Variants in PARD3B observed in about 807,000 individuals in gnomAD.
PARD3B encodes the protein partitioning defective 3 homolog B.
Under a neutral mutation model 130.2 loss-of-function variants are expected in PARD3B, and 103 were observed. That is an observed-to-expected ratio of 0.79 (90% confidence interval 0.67 to 0.93). The LOEUF (loss-of-function observed/expected upper bound fraction) is 0.93. PARD3B is among the 40% of genes least tolerant of loss of function. The pLI is 0.00. For synonymous variants in PARD3B, 583 were observed against 553.2 expected (o/e 1.05, Z -0.76); for missense variants, 1,609 against 1,499.2 (o/e 1.07, Z -1.21).
intron 2 of PARD3B, among the ~76,000 whole-genome samples, chr2:204,854,962 C>A (rs987443125): frequency 2.0e-5 from 3 of 151,930 alleles, no homozygotes; most frequent in African/African-American, 7.2e-5. Flanking sequence ...GACCAGTGGG[C>A]GGTGGATGCG....
At chr2:205,389,641 G>T (rs1406779026) in intron 18 of PARD3B, among the ~76,000 whole-genome samples, 5 of 152,198 alleles carry the variant, frequency 3.3e-5, no homozygotes, top group Non-Finnish European at 5.9e-5. Flanking sequence ...ACTGCGCCCG[G>T]CCTGTTATTT....
chr2:205,261,271 AT>A (rs2040299081), intron 16 of PARD3B, among the ~76,000 whole-genome samples: 1 of 152,050 alleles, frequency 6.6e-6, no homozygotes, highest in Non-Finnish European at 1.5e-5. Context: ...ATGAATGAAT[AT>A]TCTTTGTAAA....
intron 21 of PARD3B, among the ~76,000 whole-genome samples, chr2:205,526,411 C>T (rs2051339364): frequency 6.6e-6 from 1 of 152,160 alleles, no homozygotes; most frequent in African/African-American, 2.4e-5. Flanking sequence ...AGAGTACTTG[C>T]CTTTGTGGCC....
intron 1 of PARD3B, among the ~76,000 whole-genome samples, chr2:204,679,895 C>A (rs932756016): frequency 6.6e-6 from 1 of 151,526 alleles, no homozygotes; most frequent in Non-Finnish European, 1.5e-5. Context: ...TAATAATTTC[C>A]ACTTGGTTAT....
In PARD3B at chr2:205,176,463, G is replaced by C. The variant is rs1037351059; in HGVS notation, c.1810G>C (p.Ala604Pro). Reference sequence around the variant, plus strand: ...CTCTTAGGATCCTGCAGAGTGTGGGGCATTTTCCAAGCCATGCTTTGAGAA... The same window carrying C: ...CTCTTAGGATCCTGCAGAGTGTGGGCCATTTTCCAAGCCATGCTTTGAGAA... Reference protein sequence around the residue: ...RPMEDPAECGAFSKPCFENCQ... With the variant: ...RPMEDPAECGPFSKPCFENCQ... The change falls in exon 13 of 23, where the codon GCA becomes CCA. Residue 604 changes from alanine to proline, a missense_variant. Ala to Pro is a conservative substitution (Grantham distance 27). Transcript: ENST00000406610. The surrounding 1 kb of genome is among the most constrained non-coding windows in gnomAD (Gnocchi z 5.3). 2.5e-6 allele frequency: 4 copies of C among 1,609,978 alleles called. No individual in the cohort carries two copies. The Admixed American group carries it at 6.8e-5, about 27-fold the overall frequency.
intron 19 of PARD3B, among the ~76,000 whole-genome samples, chr2:205,431,518 T>G (rs570376694): frequency 7.2e-5 from 11 of 152,184 alleles, no homozygotes; most frequent in South Asian, 2.1e-4. Context: ...TGTCCAGGCT[T>G]GAGTGCAGTG....
intron 15 of PARD3B, among the ~76,000 whole-genome samples, chr2:205,225,992 G>C (rs546067251): frequency 6.6e-6 from 1 of 152,230 alleles, no homozygotes; most frequent in Admixed American, 6.5e-5. Context: ...CTGAGAAGCA[G>C]CTTTTTTTGT....
intron 1 of PARD3B, among the ~76,000 whole-genome samples, chr2:204,619,537 A>G (rs746236800): frequency 6.6e-6 from 1 of 152,154 alleles, no homozygotes; most frequent in African/African-American, 2.4e-5. Context: ...TTTTTAAGGA[A>G]CCAAGGTACT....
intron 1 of PARD3B, among the ~76,000 whole-genome samples, chr2:204,646,360 T>C (rs1235801608): frequency 6.6e-6 from 1 of 152,088 alleles, no homozygotes; most frequent in African/African-American, 2.4e-5. Context: ...GTTTAGTTTT[T>C]CGTGTTTTTT....
At chr2:205,596,814 T>G (rs2054588392) in intron 22 of PARD3B, among the ~76,000 whole-genome samples, 1 of 151,906 alleles carries the variant, frequency 6.6e-6, no homozygotes, top group South Asian at 2.1e-4. Flanking sequence ...CTCCCTGCAA[T>G]TGAGAGGGGT....
At chr2:205,009,736 TG>T (rs1318274791) in intron 3 of PARD3B, among the ~76,000 whole-genome samples, 2 of 152,142 alleles carry the variant, frequency 1.3e-5, no homozygotes, top group Non-Finnish European at 2.9e-5. Flanking sequence ...TTTTTAGTTA[TG>T]GGTCATAGGT....
At chr2:205,374,945 T>G (rs939355674) in intron 18 of PARD3B, among the ~76,000 whole-genome samples, 1 of 152,214 alleles carries the variant, frequency 6.6e-6, no homozygotes, top group African/African-American at 2.4e-5. Context: ...GTTAGTTTCA[T>G]AATCAAATAA....
chr2:205,100,313 A>C (rs528420488), intron 4 of PARD3B, among the ~76,000 whole-genome samples: 1 of 152,284 alleles, frequency 6.6e-6, no homozygotes, highest in Admixed American at 6.5e-5. Context: ...CCCATACAGA[A>C]TTATAAAACT....
chr2:204,723,520 A>G (rs888405681), intron 2 of PARD3B, among the ~76,000 whole-genome samples: 5 of 152,156 alleles, frequency 3.3e-5, no homozygotes, highest in East Asian at 1.9e-4. Context: ...ACAAGAATCA[A>G]TTTCTTAATG....
chr2:205,303,019 G>C (rs1921793), intron 18 of PARD3B, among the ~76,000 whole-genome samples: 6,348 of 152,166 alleles, frequency 0.042, 397 homozygotes, highest in African/African-American at 0.14. Flanking sequence ...AACTGTTGAG[G>C]CTGCCTCTTC....
intron 18 of PARD3B, among the ~76,000 whole-genome samples, chr2:205,339,001 G>A (rs1228374036): frequency 6.6e-6 from 1 of 152,170 alleles, no homozygotes; most frequent in Non-Finnish European, 1.5e-5. Flanking sequence ...ACCCTGGATA[G>A]GCATATATCT....
intron 2 of PARD3B, among the ~76,000 whole-genome samples, chr2:204,838,472 C>A (rs1276094762): frequency 2.6e-5 from 4 of 152,020 alleles, no homozygotes; most frequent in African/African-American, 4.8e-5. Flanking sequence ...GCCTCTACCT[C>A]CCAAACTGTT....
intron 2 of PARD3B, among the ~76,000 whole-genome samples, chr2:204,935,340 T>A (rs58416129): frequency 4.1e-5 from 6 of 144,822 alleles, no homozygotes; most frequent in East Asian, 4.0e-4. Context: ...CCATCCTGGC[T>A]AACACGGTGA....
intron 4 of PARD3B, among the ~76,000 whole-genome samples, chr2:205,084,977 G>A (rs1009685593): frequency 6.6e-6 from 1 of 151,806 alleles, no homozygotes; most frequent in African/African-American, 2.4e-5. Context: ...AGATTATACC[G>A]AAGTTTCTAG....
Sources: gnomAD v4.1 joint callset for allele counts (sites outside exome capture counted in the v4.1 genomes callset) on GRCh38, gnomAD v4.1.1 for gene constraint, Gnocchi (gnomAD v3.1) non-coding constraint, MANE v1.5 for transcripts, NCBI Gene and HGNC (gene_info 2026-07-23, HGNC 2026-07-21) for gene names.